ULK4: variants seen among roughly 807,000 people sequenced by gnomAD.
The protein encoded by ULK4 is unc-51 like kinase 4.
Under a neutral mutation model 160.6 loss-of-function variants are expected in ULK4, and 133 were observed. That is an observed-to-expected ratio of 0.83 (90% CI 0.72 to 0.96). The LOEUF (loss-of-function observed/expected upper bound fraction) is 0.96, where lower values mean the gene tolerates loss of function less well. ULK4 is among the 40% of genes least tolerant of loss of function. The probability of loss-of-function intolerance (pLI) is 0.00; values close to 1 mark genes in which losing one functional copy is unlikely to be tolerated. For synonymous variants in ULK4, 534 were observed against 539.8 expected (o/e 0.99, Z 0.15); for missense variants, 1,580 against 1,499.5 (o/e 1.05, Z -0.89).
At chr3:41,503,951 T>C (rs1278170116) in intron 32 of ULK4, among the ~76,000 whole-genome samples, 1 of 152,148 alleles carries the variant, frequency 6.6e-6, no homozygotes, top group Non-Finnish European at 1.5e-5. Context: ...ATTTTAGAAA[T>C]AGAAAAGGCC....
At chr3:41,450,664 G>C (rs1397930801) in intron 34 of ULK4, among the ~76,000 whole-genome samples, 1 of 152,168 alleles carries the variant, frequency 6.6e-6, no homozygotes, top group Non-Finnish European at 1.5e-5. Flanking sequence ...AGCAATTCCA[G>C]CACCTCATTC....
intron 32 of ULK4, among the ~76,000 whole-genome samples, chr3:41,489,064 C>CTAAA (rs2084651872): frequency 6.6e-6 from 1 of 152,042 alleles, no homozygotes; most frequent in South Asian, 2.1e-4. Context: ...CTCAGTTTAT[C>CTAAA]CACTTTCATG....
At chr3:41,289,695 T>G (rs1438888687) in intron 35 of ULK4, among the ~76,000 whole-genome samples, 1 of 152,050 alleles carries the variant, frequency 6.6e-6, no homozygotes, top group Non-Finnish European at 1.5e-5. Context: ...ATGTCCTCAA[T>G]GCACAGAGGA....
chr3:41,290,523 T>C lies in ULK4; in HGVS notation c.3679-40949A>G, dbSNP rs111290025. ...CTACTAGGCTTGCATCATCTTCTAC[T>C]GGCTTCCACCCCTCAATGATCCCTT... On this transcript the variant is annotated intron_variant, in intron 35 of 36. Coordinates refer to ENST00000301831, the MANE Select transcript of ULK4 (RefSeq NM_017886.4). Among the ~76,000 whole-genome samples, 466 of 152,278 alleles carry C rather than the reference T, an allele frequency of 3.1e-3. 3 individuals are homozygous for C. Among genetic ancestry groups the C allele is most frequent in the Non-Finnish European group, 5.3e-3 (361 of 68,024 alleles).
chr3:41,398,638 T>C (rs1011334324), intron 34 of ULK4, among the ~76,000 whole-genome samples: 1 of 151,466 alleles, frequency 6.6e-6, no homozygotes, highest in African/African-American at 2.4e-5. Flanking sequence ...GGAATCCTCC[T>C]TCCTCAGCCT....
At chr3:41,630,113 C>T (rs1041913588) in intron 30 of ULK4, among the ~76,000 whole-genome samples, 1 of 152,174 alleles carries the variant, frequency 6.6e-6, no homozygotes, top group African/African-American at 2.4e-5. Flanking sequence ...TCTATTGCTG[C>T]CTAACAAATT....
At chr3:41,618,921 T>G (rs895402441) in intron 30 of ULK4, among the ~76,000 whole-genome samples, 1 of 150,118 alleles carries the variant, frequency 6.7e-6, no homozygotes, top group Non-Finnish European at 1.5e-5. Context: ...AATAAAGGGA[T>G]GGAGGAATAT....
chr3:41,832,448 C>T (rs1215410774), intron 18 of ULK4, among the ~76,000 whole-genome samples: 1 of 152,122 alleles, frequency 6.6e-6, no homozygotes, highest in Non-Finnish European at 1.5e-5. Flanking sequence ...AGACCTTTGT[C>T]AGATGGGTAG....
chr3:41,695,213 A>C (rs923639662), intron 27 of ULK4, among the ~76,000 whole-genome samples: 6 of 152,346 alleles, frequency 3.9e-5, no homozygotes, highest in African/African-American at 1.2e-4. Context: ...CCACCTCTTA[A>C]TAGTATGACA....
intron 21 of ULK4, among the ~76,000 whole-genome samples, chr3:41,772,981 C>G (rs2039454100): frequency 6.6e-6 from 1 of 152,210 alleles, no homozygotes; most frequent in African/African-American, 2.4e-5. Context: ...ACATGATTAT[C>G]TCAATAGATG....
intron 35 of ULK4, among the ~76,000 whole-genome samples, chr3:41,327,953 ATC>A (rs2080368664): frequency 1.3e-5 from 2 of 152,166 alleles, no homozygotes; most frequent in South Asian, 4.1e-4. Context: ...AAAGTCAAAC[ATC>A]TCTCTTCTTA....
intron 32 of ULK4, among the ~76,000 whole-genome samples, chr3:41,474,205 C>T (rs927467471): frequency 6.6e-6 from 1 of 152,134 alleles, no homozygotes; most frequent in Non-Finnish European, 1.5e-5. Flanking sequence ...AAATGAAACA[C>T]ATGTGTAGCC....
In ULK4 at chr3:41,326,469, T is replaced by C. The variant is rs186364976; in HGVS notation, c.3678+71610A>G. ...ATATATACATATATATATATATATA[T>C]ACATACAAGAAAACATACATAGAAT... On this transcript the variant is annotated intron_variant, in intron 35 of 36. Transcript: ENST00000301831. Among the ~76,000 whole-genome samples, 400 of 150,902 alleles carry C rather than the reference T, an allele frequency of 2.7e-3. 5 individuals carry two copies. Among genetic ancestry groups the C allele is most frequent in the African/African-American group, 8.5e-3 (348 of 41,020 alleles).
At chr3:41,381,465 A>C (rs1407008067) in intron 35 of ULK4, among the ~76,000 whole-genome samples, 1 of 152,160 alleles carries the variant, frequency 6.6e-6, no homozygotes, top group Admixed American at 6.5e-5. Context: ...TAAAATGTTC[A>C]AAACTGAGCT....
At chr3:41,306,303 A>G in intron 35 of ULK4, among the ~76,000 whole-genome samples, 1 of 116,114 alleles carries the variant, frequency 8.6e-6, no homozygotes, top group Non-Finnish European at 1.7e-5. Flanking sequence ...CTGGGAAGTG[A>G]GGAGCCCCTC....
chr3:41,258,957 T>TATATACATATATGTGTATATATATACAG lies in ULK4; in HGVS notation c.3679-9411_3679-9384dup, dbSNP rs549396124. Among the ~76,000 whole-genome samples the TATATACATATATGTGTATATATATACAG allele has an allele frequency of 3.4e-3, 515 of 150,284 alleles. 2 individuals are homozygous for TATATACATATATGTGTATATATATACAG. Among genetic ancestry groups the TATATACATATATGTGTATATATATACAG allele is most frequent in the African/African-American group, 0.012 (482 of 40,982 alleles). On this transcript the variant is annotated intron_variant, in intron 35 of 36. Coordinates refer to ENST00000301831, the MANE Select transcript of ULK4 (RefSeq NM_017886.4). The stretch of plus-strand genomic sequence containing the variant: ...TTCCTCTACATCTGTTGAATATATA[T>TATATACATATATGTGTATATATATACAG]ATATACATATATGTGTATATATATA...
chr3:41,713,861 T>TA (rs2037179403), intron 25 of ULK4, among the ~76,000 whole-genome samples: 1 of 151,984 alleles, frequency 6.6e-6, no homozygotes, highest in South Asian at 2.1e-4. Flanking sequence ...AAAATCTTGG[T>TA]AATTCTTTAA....
At chr3:41,323,391 AAC>A (rs34357899) in intron 35 of ULK4, among the ~76,000 whole-genome samples, 17,195 of 120,066 alleles carry the variant, frequency 0.14, 1,095 homozygotes, top group African/African-American at 0.16. Flanking sequence ...CCTGAACAAT[AAC>A]ACACACACAC....
chr3:41,925,994 C>T (rs758714317), intron 5 of ULK4, among the ~76,000 whole-genome samples: 26 of 152,210 alleles, frequency 1.7e-4, no homozygotes, highest in Non-Finnish European at 1.8e-4. Context: ...AGCATTCAAG[C>T]TCTGCTGAAG....
Sources: allele counts gnomAD v4.1 joint callset (sites outside exome capture counted in the v4.1 genomes callset), GRCh38; gene constraint gnomAD v4.1.1; transcripts MANE v1.5; gene names NCBI Gene and HGNC (gene_info 2026-07-23, HGNC 2026-07-21).